The following METTL15 variants were observed in gnomAD, a reference collection of about 807,000 sequenced individuals.
METTL15 encodes methyltransferase 15, mitochondrial 12S rRNA N4-cytidine.
A neutral mutation model predicts 38.3 loss-of-function variants in METTL15; 34 were observed. The observed-to-expected ratio is 0.89, with a 90% CI of 0.68 to 1.18. The LOEUF (loss-of-function observed/expected upper bound fraction) is 1.18. Among genes scored for constraint, METTL15 ranks in the 50% most tolerant of loss-of-function variants. The pLI is 0.00. For synonymous variants in METTL15, 162 were observed against 170.9 expected (o/e 0.95, Z 0.41); for missense variants, 438 against 498.4 (o/e 0.88, Z 1.15).
At chr11:28,284,412 A>G (rs1682088800) in intron 4 of METTL15, among the ~76,000 whole-genome samples, 1 of 152,318 alleles carries the variant, frequency 6.6e-6, no homozygotes, top group Middle Eastern at 3.4e-3. Flanking sequence ...AAGCAGGATA[A>G]TAACTATAAT....
At chr11:28,479,953 T>C (rs1851381635) in intron 6 of METTL15, among the ~76,000 whole-genome samples, 1 of 152,198 alleles carries the variant, frequency 6.6e-6, no homozygotes, top group Non-Finnish European at 1.5e-5. Flanking sequence ...TTATCTATTG[T>C]TATTGATGAA....
chr11:28,499,141 T>C (rs1851560092), intron 6 of METTL15, among the ~76,000 whole-genome samples: 2 of 152,116 alleles, frequency 1.3e-5, no homozygotes. Context: ...GATTCAGGGG[T>C]CTACCTCAGG....
chr11:28,436,459 C>G (rs968542125), intron 6 of METTL15, among the ~76,000 whole-genome samples: 7 of 152,150 alleles, frequency 4.6e-5, no homozygotes, highest in African/African-American at 1.7e-4. Context: ...CATCAGTGTT[C>G]CATGCATCCG....
intron 5 of METTL15, among the ~76,000 whole-genome samples, chr11:28,419,792 AT>A (rs1850804504): frequency 6.6e-6 from 1 of 152,200 alleles, no homozygotes; most frequent in Non-Finnish European, 1.5e-5. Context: ...AATTCAGAAT[AT>A]TATCAGATAA....
At chr11:28,229,518 T>TG (rs1853605803) in intron 4 of METTL15, among the ~76,000 whole-genome samples, 1 of 151,966 alleles carries the variant, frequency 6.6e-6, no homozygotes, top group South Asian at 2.1e-4. Context: ...ATGAGACCTT[T>TG]GGGGAAGTGA....
At chr11:28,181,259 A>ATTTTTTTTTTTTTTTTTTT (rs71449171) in intron 3 of METTL15, among the ~76,000 whole-genome samples, 7 of 133,792 alleles carry the variant, frequency 5.2e-5, no homozygotes, top group Admixed American at 8.2e-5. Flanking sequence ...TTAATTTTTA[A>ATTTTTTTTTTTTTTTTTTT]TTTTTTTTTT....
At chr11:28,162,423 T>G (rs976098869) in intron 3 of METTL15, among the ~76,000 whole-genome samples, 6 of 152,172 alleles carry the variant, frequency 3.9e-5, no homozygotes, top group African/African-American at 1.4e-4. Flanking sequence ...TAAATGGTTA[T>G]TCAATAATGT....
chr11:28,407,197 C>G (rs1269052393), intron 5 of METTL15, among the ~76,000 whole-genome samples: 5 of 152,002 alleles, frequency 3.3e-5, no homozygotes, highest in Non-Finnish European at 7.4e-5. Flanking sequence ...AAAGTAAAAC[C>G]CAAAACTGTA....
At chr11:28,208,827 C>T (rs551699236) in intron 3 of METTL15, among the ~76,000 whole-genome samples, 1 of 151,986 alleles carries the variant, frequency 6.6e-6, no homozygotes, top group East Asian at 1.9e-4. Context: ...GCTCCCTTTT[C>T]AATTGTGGTG....
At chr11:28,323,058 A>G (rs577815835) in intron 6 of METTL15, among the ~76,000 whole-genome samples, 2 of 152,154 alleles carry the variant, frequency 1.3e-5, no homozygotes, top group Admixed American at 6.6e-5. Context: ...ATACACCTAT[A>G]TGTATTTTTG....
intron 5 of METTL15, among the ~76,000 whole-genome samples, chr11:28,394,287 C>G (rs1399392708): frequency 1.3e-5 from 2 of 152,018 alleles, no homozygotes; most frequent in Non-Finnish European, 2.9e-5. Context: ...AGAAAAATAT[C>G]TCCATAAGGG....
intron 6 of METTL15, among the ~76,000 whole-genome samples, chr11:28,326,718 C>T (rs1480948761): frequency 6.6e-6 from 1 of 152,120 alleles, no homozygotes; most frequent in African/African-American, 2.4e-5. Context: ...GCTGGGACTA[C>T]AGGCATGCAC....
intron 5 of METTL15, among the ~76,000 whole-genome samples, chr11:28,375,517 C>G (rs563560499): frequency 6.6e-6 from 1 of 152,024 alleles, no homozygotes; most frequent in Non-Finnish European, 1.5e-5. Context: ...GTAATATCCC[C>G]TTTATCATTT....
chr11:28,182,176 A>G (rs1416356341), intron 3 of METTL15, among the ~76,000 whole-genome samples: 5 of 152,094 alleles, frequency 3.3e-5, no homozygotes, highest in Non-Finnish European at 7.4e-5. Context: ...TCAGATGGAT[A>G]GATTGTAAAA....
At chr11:28,397,632 CT>C (rs1352880669) in intron 5 of METTL15, among the ~76,000 whole-genome samples, 1 of 151,534 alleles carries the variant, frequency 6.6e-6, no homozygotes, top group African/African-American at 2.4e-5. Context: ...CACTTTTACA[CT>C]GTTGGTGGGA....
intron 4 of METTL15, among the ~76,000 whole-genome samples, chr11:28,274,654 G>T (rs1206751788): frequency 6.6e-6 from 1 of 151,892 alleles, no homozygotes; most frequent in East Asian, 1.9e-4. Flanking sequence ...CTAATGTATG[G>T]TTTCCTTATT....
At chr11:28,327,861 T>A in intron 6 of METTL15, 1 of 395,590 alleles carries the variant, frequency 2.5e-6, no homozygotes, top group Non-Finnish European at 4.5e-6. Context: ...CAAACATTTA[T>A]TGAGCTTTCT....
chr11:28,231,146 T>G (rs903878147), intron 4 of METTL15, among the ~76,000 whole-genome samples: 7 of 151,870 alleles, frequency 4.6e-5, no homozygotes, highest in African/African-American at 1.7e-4. Context: ...ATTCTGGTAT[T>G]ACAGCTGGAT....
intron 4 of METTL15, among the ~76,000 whole-genome samples, chr11:28,288,008 G>T (rs951215537): frequency 2.0e-5 from 3 of 151,970 alleles, no homozygotes; most frequent in Non-Finnish European, 4.4e-5. Context: ...GAATATATGT[G>T]ATTAATAAAC....
Sources: allele counts gnomAD v4.1 joint callset (sites outside exome capture counted in the v4.1 genomes callset), GRCh38; gene constraint gnomAD v4.1.1; transcripts MANE v1.5; gene names NCBI Gene and HGNC (gene_info 2026-07-23, HGNC 2026-07-21).